The following CCDC144A variants were observed in gnomAD, a reference collection of about 807,000 sequenced individuals.
CCDC144A encodes the protein coiled-coil domain-containing protein 144A.
CCDC144A carries 41 observed loss-of-function variants against 143.8 expected under a neutral mutation model. The observed-to-expected ratio is 0.29, with a 90% confidence interval of 0.22 to 0.37. The LOEUF (loss-of-function observed/expected upper bound fraction) is 0.37. Among genes scored for constraint, CCDC144A ranks in the 10% least tolerant of loss-of-function variants. CCDC144A has a pLI of 1.00. For missense variants in CCDC144A, 637 were observed against 1,488.8 expected (o/e 0.43, Z 9.41); for synonymous variants, 242 against 517.9 (o/e 0.47, Z 7.23).
chr17:16,734,638 T>C (rs1913909092), intron 11 of CCDC144A, 52 bp from the exon 12 acceptor site: 22 of 1,437,644 alleles, frequency 1.5e-5, no homozygotes, highest in Non-Finnish European at 1.9e-5. Context: ...TCAGAGAAAA[T>C]CATAATCTGT....
chr17:16,693,017 C>T lies in CCDC144A; in HGVS notation c.383C>T (p.Thr128Ile). 1 of 1,539,148 alleles carries T rather than the reference C, an allele frequency of 6.5e-7. No individual in the cohort carries two copies. Among genetic ancestry groups the T allele is most frequent in the Non-Finnish European group, 8.7e-7 (1 of 1,146,764 alleles). Residue 128 changes from threonine to isoleucine, a missense_variant, in exon 2 of 17, where the codon ACA becomes ATA. Thr to Ile is a moderately conservative substitution (Grantham distance 89). Transcript: ENST00000399273. ...GTTCCTGAATATAAGGAAAAACAGACACCTGAAAGTCTTCCTCAAAATAAC... is the reference window on the plus strand; with the variant it reads ...GTTCCTGAATATAAGGAAAAACAGATACCTGAAAGTCTTCCTCAAAATAAC... Reference protein sequence around the residue: ...QLVPEYKEKQTPESLPQNNNP... With the variant: ...QLVPEYKEKQIPESLPQNNNP...
the CCDC144A span, chr17:16,683,961 C>T: frequency 8.6e-7 from 1 of 1,168,416 alleles, no homozygotes; most frequent in Non-Finnish European, 1.3e-6. Flanking sequence ...CCGGGCTATC[C>T]TTTAACTGTA....
chr17:16,746,455 C>G (rs1452343779), intron 12 of CCDC144A: 1 of 1,612,874 alleles, frequency 6.2e-7, no homozygotes, highest in Non-Finnish European at 8.5e-7. Flanking sequence ...CTCTTGTCTT[C>G]GCCTCCATCT....
In CCDC144A at chr17:16,775,119, G is replaced by A. The variant is rs1159025252; in HGVS notation, c.*1486G>A. The A allele has an allele frequency of 6.6e-6, 1 of 152,142 alleles. No homozygotes were observed. Among genetic ancestry groups the A allele is most frequent in the Non-Finnish European group, 1.5e-5 (1 of 68,048 alleles). The allele number at this position is 152,142 out of a possible 1,614,324, so 9.4% of individuals were successfully genotyped here. A position where few individuals can be genotyped will look rare whatever the true frequency, so the allele number is the denominator to read the frequency against. ...TCTTTATCCAGTTTATCATTGATGGGCTTTTAGGTTGATTCTTTGTCTTTG... is the reference window on the plus strand; with the variant it reads ...TCTTTATCCAGTTTATCATTGATGGACTTTTAGGTTGATTCTTTGTCTTTG... On this transcript the variant is annotated 3_prime_UTR_variant, in exon 17 of 17. Coordinates refer to ENST00000399273, the MANE Select transcript of CCDC144A (RefSeq NM_001382000.1).
intron 11 of CCDC144A, among the ~76,000 whole-genome samples, chr17:16,733,076 G>A (rs1362700345): frequency 6.6e-6 from 1 of 151,854 alleles, no homozygotes; most frequent in East Asian, 1.9e-4. Context: ...AGGATGAAAT[G>A]TATAGCCAGT....
intron 2 of CCDC144A, among the ~76,000 whole-genome samples, chr17:16,703,395 GATAA>G (rs1184709013): frequency 6.6e-6 from 1 of 151,928 alleles, no homozygotes; most frequent in Non-Finnish European, 1.5e-5. Flanking sequence ...TCTTCATAAT[GATAA>G]ATAAATAATT....
At chr17:16,693,387 G>C (rs1207483435) in intron 2 of CCDC144A, among the ~76,000 whole-genome samples, 3 of 151,862 alleles carry the variant, frequency 2.0e-5, no homozygotes, top group Non-Finnish European at 2.9e-5. Context: ...TGCGATCTCG[G>C]CTCACTGCAG....
At chr17:16,719,843 A>G (rs1260618654) in intron 6 of CCDC144A, among the ~76,000 whole-genome samples, 3 of 152,114 alleles carry the variant, frequency 2.0e-5, no homozygotes, top group Non-Finnish European at 4.4e-5. Context: ...GTTTTTATTG[A>G]AAAGGACAAC....
chr17:16,722,063 G>A (rs1223708472), intron 8 of CCDC144A, among the ~76,000 whole-genome samples: 1 of 152,148 alleles, frequency 6.6e-6, no homozygotes, highest in African/African-American at 2.4e-5. Flanking sequence ...ACACATGTTA[G>A]TTGTAGGTTT....
At chr17:16,692,055 G>A (rs1480815002) in intron 1 of CCDC144A, 2 of 152,130 alleles carry the variant, frequency 1.3e-5, no homozygotes, top group South Asian at 2.1e-4. Context: ...TGAGTAACAC[G>A]TGGGATGTTG....
chr17:16,748,851 T>A (rs1914656861), intron 12 of CCDC144A, among the ~76,000 whole-genome samples: 1 of 152,170 alleles, frequency 6.6e-6, no homozygotes, highest in African/African-American at 2.4e-5. Context: ...CTCCTAGATA[T>A]TCTAGTTTGT....
the CCDC144A span, chr17:16,684,355 T>C: frequency 1.5e-6 from 1 of 651,352 alleles, no homozygotes; most frequent in Non-Finnish European, 2.8e-6. Context: ...TATCATAATA[T>C]ATATTAAAAC....
At chr17:16,743,390 G>A (rs1237515099) in intron 12 of CCDC144A, among the ~76,000 whole-genome samples, 1 of 152,082 alleles carries the variant, frequency 6.6e-6, no homozygotes, top group African/African-American at 2.4e-5. Context: ...TGAAAATCAG[G>A]TGTCTGTAAA....
chr17:16,746,154 T>C, intron 12 of CCDC144A: 1 of 1,558,600 alleles, frequency 6.4e-7, no homozygotes, highest in Admixed American at 1.8e-5. Flanking sequence ...ATCAATCTCC[T>C]CTCCTCTTTC....
chr17:16,742,786 T>C (rs1348782741), intron 12 of CCDC144A, among the ~76,000 whole-genome samples: 1 of 152,188 alleles, frequency 6.6e-6, no homozygotes, highest in Non-Finnish European at 1.5e-5. Flanking sequence ...GATATCTTAT[T>C]TGGGATTTTG....
chr17:16,690,773 C>T, intron 1 of CCDC144A, 29 bp downstream of exon 1: 1 of 1,555,128 alleles, frequency 6.4e-7, no homozygotes. Context: ...ATGCGCCGTC[C>T]TGTCGGGGAC....
intron 8 of CCDC144A, among the ~76,000 whole-genome samples, chr17:16,724,398 G>A (rs1323752657): frequency 3.3e-5 from 5 of 151,858 alleles, no homozygotes; most frequent in East Asian, 1.9e-4. Flanking sequence ...TTAGCAGGGC[G>A]TGGTGGCAGG....
chr17:16,736,373 A>C (rs1914003568), intron 12 of CCDC144A, among the ~76,000 whole-genome samples: 1 of 152,014 alleles, frequency 6.6e-6, no homozygotes, highest in Non-Finnish European at 1.5e-5. Context: ...TGGCCTCCCA[A>C]AGTGCTGGGA....
the CCDC144A span, chr17:16,683,408 A>G: frequency 9.9e-4 from 886 of 892,960 alleles, 13 homozygotes; most frequent in African/African-American, 0.013. Context: ...CTTGGGAGTC[A>G]AAATGCTTCC....
Sources: allele counts gnomAD v4.1 joint callset (sites outside exome capture counted in the v4.1 genomes callset), GRCh38; gene constraint gnomAD v4.1.1; transcripts MANE v1.5; gene names NCBI Gene and HGNC (gene_info 2026-07-23, HGNC 2026-07-21).